The following FLACC1 variants were observed in gnomAD, a reference collection of about 807,000 sequenced individuals.
FLACC1 encodes flagellum associated containing coiled-coil domains 1.
A neutral mutation model predicts 62.8 loss-of-function variants in FLACC1; 66 were observed. The observed-to-expected ratio is 1.05, with a 90% CI of 0.86 to 1.29. The LOEUF (loss-of-function observed/expected upper bound fraction) is 1.29, where lower values mean the gene tolerates loss of function less well. Among genes scored for constraint, FLACC1 ranks in the 50% most tolerant of loss-of-function variants. The pLI is 0.00. For synonymous variants in FLACC1, 156 were observed against 161.0 expected (o/e 0.97, Z 0.24); for missense variants, 452 against 489.1 (o/e 0.92, Z 0.71).
At position 201,300,784 on chromosome 2, in the gene FLACC1, G is replaced by T. The variant is rs180849897; in HGVS notation, c.880-1484C>A. On this transcript the variant is annotated intron_variant, in intron 11 of 14. Coordinates refer to ENST00000392257, the MANE Select transcript of FLACC1 (RefSeq NM_001127391.3). Reference sequence around the variant, plus strand: ...GTTCTGCAGTATCTGCAGTTCTACAGCCTCTCCTGGTGATACCCAGGCAAA... The same window carrying T: ...GTTCTGCAGTATCTGCAGTTCTACATCCTCTCCTGGTGATACCCAGGCAAA... Among the ~76,000 whole-genome samples, 361 of 152,292 alleles carry T rather than the reference G, an allele frequency of 2.4e-3. 2 individuals carry two copies. Among genetic ancestry groups the T allele is most frequent in the Non-Finnish European group, 3.7e-3 (253 of 68,036 alleles).
chr2:201,310,545 C>T (rs1017029455), intron 9 of FLACC1, among the ~76,000 whole-genome samples: 1 of 152,168 alleles, frequency 6.6e-6, no homozygotes, highest in Non-Finnish European at 1.5e-5. Flanking sequence ...TCTCTTAACT[C>T]TCTTCATCTA....
At chr2:201,318,687 A>C (rs1490605659) in intron 9 of FLACC1, among the ~76,000 whole-genome samples, 1 of 152,232 alleles carries the variant, frequency 6.6e-6, no homozygotes, top group African/African-American at 2.4e-5. Context: ...AACAGCATAG[A>C]GATTCTTTAA....
intron 7 of FLACC1, among the ~76,000 whole-genome samples, chr2:201,339,410 T>C (rs1950761563): frequency 6.6e-6 from 1 of 152,062 alleles, no homozygotes; most frequent in Non-Finnish European, 1.5e-5. Context: ...TTCTATTTCG[T>C]TTAGTTCTGG....
intron 7 of FLACC1, among the ~76,000 whole-genome samples, chr2:201,335,295 T>A (rs1353714413): frequency 6.6e-6 from 1 of 152,190 alleles, no homozygotes; most frequent in Non-Finnish European, 1.5e-5. Flanking sequence ...TGCTTTGATC[T>A]TTATTATTTT....
chr2:201,319,754 TG>T (rs1950368710), intron 9 of FLACC1, among the ~76,000 whole-genome samples: 1 of 152,212 alleles, frequency 6.6e-6, no homozygotes, highest in Non-Finnish European at 1.5e-5. Context: ...TTTTCCAAAA[TG>T]GCAGATTAGA....
chr2:201,329,956 C>T (rs1950559790), intron 9 of FLACC1, among the ~76,000 whole-genome samples: 1 of 152,104 alleles, frequency 6.6e-6, no homozygotes, highest in Non-Finnish European at 1.5e-5. Context: ...TTATCTGTTA[C>T]AGCAAGCAAT....
intron 1 of FLACC1, chr2:201,351,879 G>C (rs973570838): frequency 1.3e-5 from 2 of 153,786 alleles, no homozygotes; most frequent in African/African-American, 4.8e-5. Context: ...GGGAGGCAGA[G>C]GTTGCAGTGA....
chr2:201,313,515 A>G (rs1950254462), intron 9 of FLACC1, among the ~76,000 whole-genome samples: 2 of 152,088 alleles, frequency 1.3e-5, no homozygotes, highest in Admixed American at 6.6e-5. Flanking sequence ...AATTCCATTT[A>G]CCTGGGAACC....
intron 5 of FLACC1, 129 bp from the exon 6 acceptor site, chr2:201,344,392 T>A: frequency 1.4e-6 from 1 of 731,612 alleles, no homozygotes. Context: ...CTGCACCTGC[T>A]CTATCATTAT....
At chr2:201,294,039 T>C (rs1039861863) in intron 12 of FLACC1, among the ~76,000 whole-genome samples, 2 of 151,916 alleles carry the variant, frequency 1.3e-5, no homozygotes, top group African/African-American at 2.4e-5. Context: ...AATAGCTTAC[T>C]AACCAAAAAA....
chr2:201,309,089 C>A (rs16837131), intron 10 of FLACC1, 62 bp downstream of exon 10: 133,874 of 1,455,616 alleles, frequency 0.092, 7,287 homozygotes, highest in African/African-American at 0.22. Flanking sequence ...AAGTCAAGAC[C>A]AAACTTCATG....
intron 3 of FLACC1, among the ~76,000 whole-genome samples, chr2:201,349,026 T>G (rs952822932): frequency 6.6e-6 from 1 of 152,194 alleles, no homozygotes; most frequent in Non-Finnish European, 1.5e-5. Context: ...CAACTGAAGG[T>G]CAGCTGATTA....
chr2:201,335,863 T>C (rs1161164129), intron 7 of FLACC1, among the ~76,000 whole-genome samples: 1 of 152,208 alleles, frequency 6.6e-6, no homozygotes, highest in Admixed American at 6.5e-5. Context: ...CGATGCTCCA[T>C]AATTTTCAGT....
chr2:201,316,834 C>T (rs1321201292), intron 9 of FLACC1, among the ~76,000 whole-genome samples: 1 of 152,074 alleles, frequency 6.6e-6, no homozygotes, highest in Non-Finnish European at 1.5e-5. Flanking sequence ...AATCCAACAA[C>T]ATATCAAAAA....
chr2:201,350,740 G>A lies in FLACC1; in HGVS notation c.156C>T (p.Leu52=), dbSNP rs1951011695. The change falls in exon 3 of 15, where the codon CTC becomes CTT. Residue 52 remains leucine (L), a synonymous_variant. Transcript: ENST00000392257. ...GGGAAACAACAGGTTTTGTTGGTTG[G>A]AGGTAATTGTGATTTTTTGGAGCTG... is the stretch of plus-strand genomic sequence containing the variant. The part of the protein sequence containing the change: ...LVPAPKNHNY[L]QPTKPVVSPK... 1.2e-6 allele frequency: 2 copies of A among 1,613,508 alleles called. No homozygotes were observed. The highest frequency in any genetic ancestry group is 1.3e-5 in the African/African-American group (1 of 74,864).
rs532948524 is a variant in FLACC1 at position 201,338,002 on chromosome 2, C to T, written c.524+4368G>A. Among the ~76,000 whole-genome samples, 11 of 152,214 alleles carry T rather than the reference C, an allele frequency of 7.2e-5. 1 individual carries two copies. Among genetic ancestry groups the T allele is most frequent in the South Asian group, 2.1e-4 (1 of 4,826 alleles). On this transcript the variant is annotated intron_variant, in intron 7 of 14. Coordinates refer to ENST00000392257, the MANE Select transcript of FLACC1 (RefSeq NM_001127391.3). ...GCATTGGGCAGCATGGCCATTTTGG[C>T]GATCTTAATTCTTCCAGTCCATAAG...
intron 11 of FLACC1, among the ~76,000 whole-genome samples, chr2:201,300,501 G>T (rs1374957808): frequency 1.3e-5 from 2 of 152,102 alleles, no homozygotes; most frequent in African/African-American, 2.4e-5. Flanking sequence ...CTGGGGGCAG[G>T]GCATAGCTCA....
At chr2:201,363,020 A>G in the FLACC1 span, among the ~76,000 whole-genome samples, 7 of 152,136 alleles carry the variant, frequency 4.6e-5, no homozygotes, top group Non-Finnish European at 8.8e-5. Context: ...ACTAGTCTGC[A>G]TATGTCATTG....
chr2:201,336,840 C>T (rs1035854816), intron 7 of FLACC1, among the ~76,000 whole-genome samples: 1 of 152,156 alleles, frequency 6.6e-6, no homozygotes, highest in Non-Finnish European at 1.5e-5. Flanking sequence ...AATAGCCATT[C>T]TAACTGGTGT....
Sources: allele counts gnomAD v4.1 joint callset (sites outside exome capture counted in the v4.1 genomes callset), GRCh38; gene constraint gnomAD v4.1.1; transcripts MANE v1.5; gene names NCBI Gene and HGNC (gene_info 2026-07-23, HGNC 2026-07-21).